Variants in GPC5 observed in about 807,000 individuals in gnomAD.
GPC5 encodes the protein glypican-5.
A neutral mutation model predicts 53.9 loss-of-function variants in GPC5; 47 were observed. The ratio of observed to expected loss-of-function variants is 0.87; its 90% CI spans 0.69 to 1.11. The LOEUF is 1.11. Ranked by LOEUF, GPC5 falls within the 50% of genes most tolerant of loss-of-function variation. GPC5 has a pLI of 0.00. For synonymous variants in GPC5, 286 were observed against 263.3 expected (o/e 1.09, Z -0.84); for missense variants, 748 against 713.1 (o/e 1.05, Z -0.56).
chr13:92,418,741 G>A (rs1490224891), intron 7 of GPC5, among the ~76,000 whole-genome samples: 1 of 152,134 alleles, frequency 6.6e-6, no homozygotes, highest in African/African-American at 2.4e-5. Context: ...AAATTAGACA[G>A]ATCAAAATTA....
chr13:92,764,360 C>G (rs1484299094), intron 7 of GPC5, among the ~76,000 whole-genome samples: 1 of 152,224 alleles, frequency 6.6e-6, no homozygotes, highest in Non-Finnish European at 1.5e-5. Flanking sequence ...CCAGCAATGG[C>G]TCTGAGTTTA....
chr13:92,771,080 C>T (rs1011938649), intron 7 of GPC5, among the ~76,000 whole-genome samples: 3 of 152,048 alleles, frequency 2.0e-5, no homozygotes, highest in African/African-American at 7.2e-5. Context: ...CACATACTGC[C>T]GAGTGGGTGG....
At chr13:92,575,563 C>G (rs1274718623) in intron 7 of GPC5, among the ~76,000 whole-genome samples, 1 of 152,084 alleles carries the variant, frequency 6.6e-6, no homozygotes, top group Non-Finnish European at 1.5e-5. Context: ...TGTTTTAAGT[C>G]ACCAAGTGTG....
intron 7 of GPC5, among the ~76,000 whole-genome samples, chr13:92,384,347 G>A (rs2043774908): frequency 6.6e-6 from 1 of 152,020 alleles, no homozygotes; most frequent in Non-Finnish European, 1.5e-5. Context: ...GATATCACAA[G>A]CACAGAACTC....
intron 2 of GPC5, among the ~76,000 whole-genome samples, chr13:91,580,887 A>T (rs1264891882): frequency 6.6e-6 from 1 of 152,228 alleles, no homozygotes; most frequent in Non-Finnish European, 1.5e-5. Context: ...GTAATTTATA[A>T]AGGAAAGAAG....
intron 7 of GPC5, among the ~76,000 whole-genome samples, chr13:92,762,136 C>CT (rs753315082): frequency 4.0e-4 from 61 of 151,834 alleles, no homozygotes; most frequent in Non-Finnish European, 8.5e-4. Flanking sequence ...CCAGCATACT[C>CT]TAATACTGTT....
intron 7 of GPC5, among the ~76,000 whole-genome samples, chr13:92,810,397 AAAG>A (rs1221705362): frequency 1.3e-5 from 2 of 151,960 alleles, no homozygotes; most frequent in Admixed American, 6.5e-5. Flanking sequence ...AATTTATTAA[AAAG>A]AAGACTACCC....
intron 7 of GPC5, among the ~76,000 whole-genome samples, chr13:92,598,984 A>G (rs1436194743): frequency 6.6e-6 from 1 of 152,220 alleles, no homozygotes; most frequent in Non-Finnish European, 1.5e-5. Flanking sequence ...AGAGTATTCC[A>G]AAGTTGTGAC....
chr13:91,653,083 T>C (rs1382991182), intron 2 of GPC5, among the ~76,000 whole-genome samples: 1 of 152,248 alleles, frequency 6.6e-6, no homozygotes, highest in Non-Finnish European at 1.5e-5. Context: ...TTGTCTGATG[T>C]CATCTGTAGC....
At chr13:92,235,462 T>G (rs909754151) in intron 7 of GPC5, among the ~76,000 whole-genome samples, 1 of 152,158 alleles carries the variant, frequency 6.6e-6, no homozygotes, top group Non-Finnish European at 1.5e-5. Flanking sequence ...TTCCTCAATT[T>G]TCATACCCAT....
intron 7 of GPC5, among the ~76,000 whole-genome samples, chr13:92,519,371 G>C (rs947311767): frequency 4.6e-5 from 7 of 152,142 alleles, no homozygotes; most frequent in African/African-American, 1.4e-4. Context: ...TGACCACATA[G>C]TTGGAAGTAA....
At chr13:91,669,638 C>T (rs1180287323) in intron 2 of GPC5, among the ~76,000 whole-genome samples, 4 of 152,088 alleles carry the variant, frequency 2.6e-5, no homozygotes, top group Non-Finnish European at 5.9e-5. Flanking sequence ...AGAGGTATAT[C>T]AAAACTGAAA....
chr13:91,454,080 T>G (rs1237292699), intron 2 of GPC5, among the ~76,000 whole-genome samples: 1 of 152,118 alleles, frequency 6.6e-6, no homozygotes, highest in Non-Finnish European at 1.5e-5. Context: ...TAGTGTGTTA[T>G]CTAATACAGC....
chr13:92,601,518 GCACTC>G (rs905530860), intron 7 of GPC5, among the ~76,000 whole-genome samples: 22 of 129,874 alleles, frequency 1.7e-4, no homozygotes, highest in African/African-American at 6.1e-4. Flanking sequence ...TCACACCACT[GCACTC>G]CAGCCTGGGC....
At chr13:91,768,642 A>G (rs1037066942) in intron 5 of GPC5, among the ~76,000 whole-genome samples, 3 of 152,212 alleles carry the variant, frequency 2.0e-5, no homozygotes, top group African/African-American at 7.2e-5. Flanking sequence ...ATTATTCTAG[A>G]CAGAATCTAG....
chr13:91,556,200 A>G (rs1426057075), intron 2 of GPC5, among the ~76,000 whole-genome samples: 2 of 152,206 alleles, frequency 1.3e-5, no homozygotes, highest in Non-Finnish European at 2.9e-5. Flanking sequence ...TGGCTTTAAA[A>G]AAAAACTCAG....
intron 2 of GPC5, among the ~76,000 whole-genome samples, chr13:91,671,726 T>C (rs2035246956): frequency 6.8e-6 from 1 of 146,990 alleles, no homozygotes; most frequent in African/African-American, 2.6e-5. Flanking sequence ...GAAAAAATAT[T>C]TTAAATTTTA....
intron 6 of GPC5, among the ~76,000 whole-genome samples, chr13:91,940,344 A>G (rs1207982729): frequency 6.6e-6 from 1 of 152,186 alleles, no homozygotes; most frequent in Non-Finnish European, 1.5e-5. Flanking sequence ...TTATGGCTGC[A>G]TAGTATTCTA....
chr13:92,713,644 T>G (rs1888228329), intron 7 of GPC5, among the ~76,000 whole-genome samples: 1 of 151,578 alleles, frequency 6.6e-6, no homozygotes, highest in Admixed American at 6.6e-5. Flanking sequence ...TTTTAACTCT[T>G]AGGAAAATCC....
Sources: gnomAD v4.1 joint callset for allele counts (sites outside exome capture counted in the v4.1 genomes callset) on GRCh38, gnomAD v4.1.1 for gene constraint, MANE v1.5 for transcripts, NCBI Gene and HGNC (gene_info 2026-07-23, HGNC 2026-07-21) for gene names.